The following MON2 variants were observed in gnomAD, a reference collection of about 807,000 sequenced individuals.
The protein encoded by MON2 is protein MON2 homolog.
In MON2, 84 loss-of-function variants were observed where a neutral mutation model predicts 208.6. The observed-to-expected ratio is 0.40, with a 90% confidence interval of 0.34 to 0.48. The LOEUF is 0.48. Among genes scored for constraint, MON2 ranks in the 20% least tolerant of loss-of-function variants. The probability of loss-of-function intolerance (pLI) is 0.59; values close to 1 mark genes in which losing one functional copy is unlikely to be tolerated. For synonymous variants in MON2, 660 were observed against 694.0 expected (o/e 0.95, Z 0.77); for missense variants, 1,611 against 2,015.4 (o/e 0.80, Z 3.84).
intron 5 of MON2, among the ~76,000 whole-genome samples, chr12:62,500,053 G>GTAA (rs1486678227): frequency 6.6e-6 from 1 of 151,910 alleles, no homozygotes; most frequent in African/African-American, 2.4e-5. Flanking sequence ...AAATCATATT[G>GTAA]TAATAACACA....
At position 62,508,380 on chromosome 12, in the gene MON2, C is replaced by G. The variant is rs571449218; in HGVS notation, c.884C>G (p.Thr295Ser). The G allele has an allele frequency of 1.9e-6, 3 of 1,613,976 alleles. No homozygotes were observed. Among genetic ancestry groups the G allele is most frequent in the Non-Finnish European group, 2.5e-6 (3 of 1,179,878 alleles). Residue 295 changes from threonine (T) to serine (S), a missense_variant, in exon 8 of 35, where the codon ACC (threonine) becomes AGC (serine). Transcript: ENST00000393630. Reference protein sequence around the residue: ...PNIKFRQGSSTSSSPAPVEKP... With the variant: ...PNIKFRQGSSSSSSPAPVEKP... ...ATAAAGTTCAGACAAGGTTCCAGCA[C>G]CTCATCTTCTCCAGCACCAGTTGAA...
chr12:62,591,636 C>G (rs948785463), intron 34 of MON2, among the ~76,000 whole-genome samples: 1 of 152,152 alleles, frequency 6.6e-6, no homozygotes, highest in Non-Finnish European at 1.5e-5. Context: ...TTGAGGAACA[C>G]TAGTTTGAGA....
chr12:62,554,146 A>G (rs2073866474), intron 24 of MON2, among the ~76,000 whole-genome samples: 1 of 152,052 alleles, frequency 6.6e-6, no homozygotes, highest in Non-Finnish European at 1.5e-5. Flanking sequence ...TCTGATTCTA[A>G]TTTTCCTTTC....
intron 19 of MON2, among the ~76,000 whole-genome samples, chr12:62,540,445 A>G (rs1288244191): frequency 1.3e-5 from 2 of 152,218 alleles, no homozygotes; most frequent in African/African-American, 4.8e-5. Context: ...TTGGAGATGT[A>G]TATTGAAAGA....
At chr12:62,569,550 G>A (rs1249760491) in intron 29 of MON2, among the ~76,000 whole-genome samples, 1 of 152,198 alleles carries the variant, frequency 6.6e-6, no homozygotes, top group Non-Finnish European at 1.5e-5. Context: ...GAGAGAGGAA[G>A]AGAGAGAGTG....
chr12:62,552,022 G>T (rs1317577090), intron 23 of MON2, among the ~76,000 whole-genome samples: 1 of 151,948 alleles, frequency 6.6e-6, no homozygotes, highest in Non-Finnish European at 1.5e-5. Context: ...AGGCTTTCTT[G>T]TCAATATTAC....
intron 33 of MON2, 94 bp from the exon 34 acceptor site, chr12:62,587,980 A>G: frequency 1.3e-6 from 1 of 743,486 alleles, no homozygotes; most frequent in Non-Finnish European, 2.3e-6. Flanking sequence ...GTATTTTTCA[A>G]AAGTTCATCT....
At position 62,599,023 on chromosome 12, in the gene MON2, G is replaced by A. The variant is rs889469727; in HGVS notation, c.*6274G>A. 2.0e-5 allele frequency: 3 copies of A among 151,736 alleles called. No homozygotes were observed. The highest frequency in any genetic ancestry group is 1.3e-4 in the Admixed American group (2 of 15,226). 9.4% of individuals were successfully genotyped at this position (151,736 alleles called of 1,614,324 possible). ...ACTTTGTGTTTGCTTTCTCATCCCC[G>A]TTAAGTCTGAAACATTATTGACACC... On this transcript the variant is annotated 3_prime_UTR_variant, in exon 35 of 35. Coordinates refer to ENST00000393630, the MANE Select transcript of MON2 (RefSeq NM_015026.3).
intron 8 of MON2, among the ~76,000 whole-genome samples, chr12:62,510,603 A>G (rs1349232370): frequency 1.3e-5 from 2 of 152,158 alleles, no homozygotes; most frequent in Non-Finnish European, 2.9e-5. Flanking sequence ...TGATAAAAAC[A>G]CTCAACAAAC....
At chr12:62,495,173 A>T in intron 4 of MON2, 26 bp downstream of exon 4, 1 of 1,580,548 alleles carries the variant, frequency 6.3e-7, no homozygotes, top group South Asian at 1.2e-5. Flanking sequence ...GCCAGAGTTC[A>T]TATGTGCTTT....
At chr12:62,529,637 A>G (rs140045449) in intron 11 of MON2, among the ~76,000 whole-genome samples, 8 of 152,308 alleles carry the variant, frequency 5.3e-5, no homozygotes, top group African/African-American at 1.9e-4. Context: ...AAAGTTGTAC[A>G]ACCATTACTA....
intron 1 of MON2, among the ~76,000 whole-genome samples, chr12:62,468,988 G>A (rs942368131): frequency 6.6e-6 from 1 of 151,926 alleles, no homozygotes; most frequent in African/African-American, 2.4e-5. Context: ...GGTCTCTGTG[G>A]CCCAGGCTGG....
chr12:62,467,185 A>G lies in MON2; in HGVS notation c.-23A>G, dbSNP rs2068556469. On this transcript the variant is annotated 5_prime_UTR_variant, in exon 1 of 35. Transcript: ENST00000393630. ...CAGAGCTTGTTTGTACCTCTCGGAAATTGGCTGGGACCTTGGAGGATCATG... is the reference window on the plus strand; with the variant it reads ...CAGAGCTTGTTTGTACCTCTCGGAAGTTGGCTGGGACCTTGGAGGATCATG... The G allele has an allele frequency of 6.2e-7, 1 of 1,605,384 alleles. No individual in the cohort carries two copies. The highest frequency in any genetic ancestry group is 8.5e-7 in the Non-Finnish European group (1 of 1,176,984).
intron 2 of MON2, among the ~76,000 whole-genome samples, chr12:62,488,535 CAG>C (rs2069928061): frequency 6.6e-6 from 1 of 152,004 alleles, no homozygotes; most frequent in Admixed American, 6.6e-5. Context: ...GAGTTTGAGT[CAG>C]GGAAGTGACA....
At chr12:62,556,385 T>C (rs527551159) in intron 25 of MON2, among the ~76,000 whole-genome samples, 193 bp downstream of exon 25, 2 of 152,258 alleles carry the variant, frequency 1.3e-5, no homozygotes, top group Admixed American at 6.6e-5. Context: ...AAAATACACG[T>C]CATTCTTGCT....
intron 32 of MON2, among the ~76,000 whole-genome samples, chr12:62,580,766 G>C (rs927641965): frequency 1.3e-5 from 2 of 152,162 alleles, no homozygotes; most frequent in Non-Finnish European, 2.9e-5. Context: ...GCTGACAGAA[G>C]TTACCAGTTT....
At chr12:62,534,695 G>C (rs1358721314) in intron 12 of MON2, 150 bp from the exon 13 acceptor site, 2 of 496,724 alleles carry the variant, frequency 4.0e-6, no homozygotes, top group Non-Finnish European at 6.9e-6. Flanking sequence ...CGTTCTTTTA[G>C]ATTTTTAAAT....
intron 25 of MON2, among the ~76,000 whole-genome samples, chr12:62,557,857 A>C (rs1020711251): frequency 7.1e-6 from 1 of 140,928 alleles, no homozygotes; most frequent in Non-Finnish European, 1.5e-5. Context: ...ACATTTGCTA[A>C]GTTTTGACAA....
chr12:62,495,644 C>G (rs559315219), intron 4 of MON2, among the ~76,000 whole-genome samples: 12 of 135,482 alleles, frequency 8.9e-5, no homozygotes, highest in African/African-American at 3.3e-4. Context: ...GAGCCGAGAT[C>G]GTATCACTGC....
Sources: allele counts gnomAD v4.1 joint callset (sites outside exome capture counted in the v4.1 genomes callset), GRCh38; gene constraint gnomAD v4.1.1; transcripts MANE v1.5; gene names NCBI Gene and HGNC (gene_info 2026-07-23, HGNC 2026-07-21).